ZNF208: variants seen among roughly 807,000 people sequenced by gnomAD.
ZNF208 encodes the protein zinc finger protein 95.
Under a neutral mutation model 12.1 loss-of-function variants are expected in ZNF208, and 10 were observed. That is an observed-to-expected ratio of 0.83 (90% confidence interval 0.51 to 1.40). ZNF208 has a LOEUF of 1.40. Ranked by LOEUF, ZNF208 falls within the 40% of genes most tolerant of loss-of-function variation. The pLI, the probability that ZNF208 is intolerant of heterozygous loss-of-function variation, is 0.00. For missense variants in ZNF208, 1,652 were observed against 1,485.0 expected (o/e 1.11, Z -1.85); for synonymous variants, 497 against 488.4 (o/e 1.02, Z -0.23).
At chr19:21,948,860 A>G (rs1413855286) in intron 4 of ZNF208, among the ~76,000 whole-genome samples, 1 of 152,206 alleles carries the variant, frequency 6.6e-6, no homozygotes, top group Non-Finnish European at 1.5e-5. Context: ...GAAAGGGAAA[A>G]AAGAGACAGA....
intron 3 of ZNF208, among the ~76,000 whole-genome samples, chr19:21,984,841 A>G (rs1245903698): frequency 1.3e-5 from 2 of 152,228 alleles, no homozygotes; most frequent in Non-Finnish European, 2.9e-5. Context: ...CCTGATTTCA[A>G]AAGACATTCC....
At chr19:22,004,231 T>C (rs1971004690) in intron 1 of ZNF208, among the ~76,000 whole-genome samples, 2 of 151,468 alleles carry the variant, frequency 1.3e-5, no homozygotes, top group African/African-American at 4.8e-5. Flanking sequence ...AAAAACAAAA[T>C]ATGGGCTGGG....
At chr19:22,001,491 C>A (rs1970945189) in intron 1 of ZNF208, among the ~76,000 whole-genome samples, 1 of 152,098 alleles carries the variant, frequency 6.6e-6, no homozygotes, top group South Asian at 2.1e-4. Flanking sequence ...AAACTCCTCT[C>A]CAACTCATTA....
At chr19:22,006,418 T>C (rs1238650704) in intron 1 of ZNF208, among the ~76,000 whole-genome samples, 5 of 152,118 alleles carry the variant, frequency 3.3e-5, no homozygotes, top group Non-Finnish European at 7.4e-5. Context: ...CTCTCGAATC[T>C]GCCTCAAAAC....
Position 21,972,489 on chromosome 19 carries a change from T to C in ZNF208, c.2545A>G (p.Thr849Ala), listed in dbSNP as rs768710062. Residue 849 changes from threonine to alanine, a missense_variant, in exon 4 of 4, where the codon ACT becomes GCT. By Grantham distance (58) the Thr-to-Ala change is moderately conservative. Around this residue, in one of 3 missense-constraint regions of ZNF208, gnomAD observed 1,239 missense variants for 1,086.2 expected, o/e 1.14. Coordinates refer to ENST00000397126, the MANE Select transcript of ZNF208 (RefSeq NM_007153.3). The part of the protein sequence containing the change: ...GKAFSKFSIL[T>A]KHKVIHTGEK... ...CCAGTATGAATTACCTTATGTTTAG[T>C]AAGGATTGAGAACTTACTAAAGGCT... The C allele has an allele frequency of 6.2e-7, 1 of 1,613,008 alleles. No homozygotes were observed. The highest frequency in any genetic ancestry group is 8.5e-7 in the Non-Finnish European group (1 of 1,179,914).
At chr19:21,946,280 C>T (rs564941326) in intron 4 of ZNF208, among the ~76,000 whole-genome samples, 6 of 152,264 alleles carry the variant, frequency 3.9e-5, no homozygotes, top group South Asian at 4.1e-4. Flanking sequence ...AGGTTCTGGG[C>T]CAACATGAGC....
intron 1 of ZNF208, chr19:21,991,528 G>A (rs1377576931): frequency 2.0e-5 from 3 of 152,100 alleles, no homozygotes; most frequent in South Asian, 2.1e-4. Context: ...ATCACCTGAG[G>A]TCGGGAGTTC....
intron 1 of ZNF208, among the ~76,000 whole-genome samples, chr19:22,000,367 T>C (rs1970923388): frequency 6.6e-6 from 1 of 151,998 alleles, no homozygotes; most frequent in African/African-American, 2.4e-5. Flanking sequence ...CACACACAGA[T>C]TACAGCTTAA....
chr19:21,971,433 C>A lies in ZNF208; in HGVS notation c.3601G>T (p.Glu1201Ter). Residue 1201 changes from glutamate to a stop codon, truncating the protein, a stop_gained, in exon 4 of 4, where the codon GAA (glutamate) becomes TAA (stop). Transcript: ENST00000397126. LOFTEE classifies it low-confidence loss of function (END_TRUNC). ...GGCCACTTATAGGCTTTGCCACATT[C>A]TTCACATTTGTAGAGTTTCTCTCCA... The part of the protein sequence containing the change: ...HTGEKLYKCE[E>*]CGKAYKWPST... 6.2e-7 allele frequency: 1 copy of A among 1,610,182 alleles called. No homozygotes were observed. The highest frequency in any genetic ancestry group is 8.5e-7 in the Non-Finnish European group (1 of 1,179,422).
intron 4 of ZNF208, among the ~76,000 whole-genome samples, chr19:21,945,399 A>G (rs1484211295): frequency 6.6e-6 from 1 of 152,204 alleles, no homozygotes; most frequent in Non-Finnish European, 1.5e-5. Context: ...AACTAAGGCA[A>G]CAACTGAGGT....
intron 4 of ZNF208, among the ~76,000 whole-genome samples, chr19:21,950,394 C>T (rs1969871398): frequency 6.6e-6 from 1 of 151,960 alleles, no homozygotes; most frequent in South Asian, 2.1e-4. Flanking sequence ...TCATGAAACC[C>T]CTAGAATTAA....
chr19:21,943,165 A>C (rs982306239), intron 4 of ZNF208, among the ~76,000 whole-genome samples: 8 of 152,216 alleles, frequency 5.3e-5, no homozygotes, highest in Non-Finnish European at 7.3e-5. Context: ...ATAAGTGTAG[A>C]TACATCAAAT....
intron 3 of ZNF208, among the ~76,000 whole-genome samples, chr19:21,975,297 CT>C (rs1442012877): frequency 6.6e-6 from 1 of 152,158 alleles, no homozygotes; most frequent in Non-Finnish European, 1.5e-5. Context: ...TGGTGGTATA[CT>C]TAGAAATGAC....
intron 1 of ZNF208, among the ~76,000 whole-genome samples, chr19:22,007,579 A>G (rs184481788): frequency 3.3e-5 from 5 of 151,848 alleles, no homozygotes; most frequent in African/African-American, 9.7e-5. Flanking sequence ...ATAAAAGATG[A>G]ATGAGAATTT....
chr19:21,975,851 A>AAG lies in ZNF208; in HGVS notation c.227-1045_227-1044insCT, dbSNP rs377638519. Among the ~76,000 whole-genome samples, 15 of 91,880 alleles carry AAG rather than the reference A, an allele frequency of 1.6e-4. 3 individuals carry two copies. Among genetic ancestry groups the AAG allele is most frequent in the South Asian group, 6.8e-4 (2 of 2,962 alleles). 60.3% of individuals were successfully genotyped at this position (91,880 alleles called of 152,430 possible). A position where few individuals can be genotyped will look rare whatever the true frequency, so the allele number is the denominator to read the frequency against. On this transcript the variant is annotated intron_variant, in intron 3 of 3. Transcript: ENST00000397126. ...AAAAAAAAAAAAAAAAAAAAAAAAAAGCTATCAAGTGAGAATAATACCATC... is the reference window on the plus strand; with the variant it reads ...AAAAAAAAAAAAAAAAAAAAAAAAAAAGGCTATCAAGTGAGAATAATACCATC...
At chr19:21,947,440 T>A (rs1446589598) in intron 4 of ZNF208, among the ~76,000 whole-genome samples, 1 of 152,180 alleles carries the variant, frequency 6.6e-6, no homozygotes, top group Non-Finnish European at 1.5e-5. Flanking sequence ...TTGGAGTTTT[T>A]ACCTAGGATT....
rs771358027 is a variant in ZNF208 at position 21,972,111 on chromosome 19, A to T, written c.2923T>A (p.Tyr975Asn). Reference sequence around the variant, plus strand: ...CTAAAGCCTTTGCCACATTCTTCATATTTGTAAGGTTTCTCTTCAGTATGA... The same window carrying T: ...CTAAAGCCTTTGCCACATTCTTCATTTTTGTAAGGTTTCTCTTCAGTATGA... ...KIHTEEKPYKYEECGKGFSTF... is the reference protein window; with the variant it reads ...KIHTEEKPYKNEECGKGFSTF... The change falls in exon 4 of 4, where the codon TAT (tyrosine) becomes AAT (asparagine). Residue 975 changes from tyrosine (Y) to asparagine (N), a missense_variant. Transcript: ENST00000397126. 2 of 1,613,018 alleles carry T rather than the reference A, an allele frequency of 1.2e-6. 1 individual carries two copies. Among genetic ancestry groups the T allele is most frequent in the South Asian group, 2.2e-5 (2 of 91,004 alleles).
intron 4 of ZNF208, among the ~76,000 whole-genome samples, chr19:21,951,352 A>G (rs1268291052): frequency 6.6e-6 from 1 of 152,242 alleles, no homozygotes; most frequent in East Asian, 1.9e-4. Flanking sequence ...ACTGAAAATG[A>G]ATGTGTATGC....
In ZNF208 at chr19:21,968,243, A is replaced by G. The variant is rs1488173048; in HGVS notation, c.*2948T>C. ...CCTTTTATTCTCTGGCTAGGATTTCATAACTTCAATAGGACTGTTTAGAAT... is the reference window on the plus strand; with the variant it reads ...CCTTTTATTCTCTGGCTAGGATTTCGTAACTTCAATAGGACTGTTTAGAAT... On this transcript the variant is annotated 3_prime_UTR_variant, in exon 4 of 4. Coordinates refer to ENST00000397126, the MANE Select transcript of ZNF208 (RefSeq NM_007153.3). 6.6e-6 allele frequency: 1 copy of G among 152,110 alleles called. No individual in the cohort carries two copies. Among genetic ancestry groups the G allele is most frequent in the Non-Finnish European group, 1.5e-5 (1 of 68,006 alleles). The allele number at this position is 152,110 out of a possible 1,614,324, so 9.4% of individuals were successfully genotyped here.
Sources: allele counts gnomAD v4.1 joint callset (sites outside exome capture counted in the v4.1 genomes callset), GRCh38; gene constraint gnomAD v4.1.1; regional missense constraint gnomAD v4.1.1; transcripts MANE v1.5; gene names NCBI Gene and HGNC (gene_info 2026-07-23, HGNC 2026-07-21).